NFIB: variants seen among roughly 807,000 people sequenced by gnomAD.
NFIB encodes the protein nuclear factor 1 B-type.
Under a neutral mutation model 61.5 loss-of-function variants are expected in NFIB, and 11 were observed. That is an observed-to-expected ratio of 0.18 (90% CI 0.11 to 0.30). The LOEUF is 0.30. Among genes scored for constraint, NFIB ranks in the 10% least tolerant of loss-of-function variants. The pLI is 1.00. For synonymous variants in NFIB, 260 were observed against 216.5 expected (o/e 1.20, Z -1.76); for missense variants, 471 against 608.9 (o/e 0.77, Z 2.38).
At chr9:14,261,824 G>C (rs2056781506) in intron 2 of NFIB, among the ~76,000 whole-genome samples, 1 of 152,172 alleles carries the variant, frequency 6.6e-6, no homozygotes, top group South Asian at 2.1e-4. Flanking sequence ...TACATGCTAT[G>C]AGCTCAGTTA....
chr9:14,149,668 C>T (rs916475105), intron 5 of NFIB, among the ~76,000 whole-genome samples: 1 of 152,102 alleles, frequency 6.6e-6, no homozygotes, highest in Non-Finnish European at 1.5e-5. Context: ...CAAAAAACAT[C>T]AACTAATTGA....
intron 3 of NFIB, among the ~76,000 whole-genome samples, chr9:14,170,248 T>G (rs2045416495): frequency 6.6e-6 from 1 of 152,186 alleles, no homozygotes; most frequent in African/African-American, 2.4e-5. Context: ...TGCTTTGCAT[T>G]ATTAAATTGT....
chr9:14,213,889 GT>G (rs1341995642), intron 2 of NFIB, among the ~76,000 whole-genome samples: 1 of 152,098 alleles, frequency 6.6e-6, no homozygotes, highest in Admixed American at 6.6e-5. Context: ...CCTTGCCTCT[GT>G]TCTCAACATT....
At chr9:14,363,266 C>G (rs540753163) in intron 1 of NFIB, among the ~76,000 whole-genome samples, 1 of 152,170 alleles carries the variant, frequency 6.6e-6, no homozygotes, top group Non-Finnish European at 1.5e-5. Flanking sequence ...GTTTGAGGCC[C>G]TGGTTGTCAG....
At chr9:14,481,197 G>GTGTATATATATATCTATATATATATA in the NFIB span, among the ~76,000 whole-genome samples, 1 of 45,826 alleles carries the variant, frequency 2.2e-5, no homozygotes, top group Admixed American at 3.0e-4. Context: ...GTGTGTGTGT[G>GTGTATATATATATCTATATATATATA]TATATATATA....
At position 14,146,741 on chromosome 9, in the gene NFIB, G is replaced by C. The variant is rs1191902002; in HGVS notation, c.873C>G (p.Pro291=). The C allele has an allele frequency of 9.3e-6, 15 of 1,610,428 alleles. No individual in the cohort carries two copies. Among genetic ancestry groups the C allele is most frequent in the Admixed American group, 1.7e-5 (1 of 59,250 alleles). ...MEPSPTGDFY[P]SPSSPAAGSR... Reference sequence around the variant, plus strand: ...TTCCAGCAGCTGGTGAACTTGGAGAGGGGTAAAAGTCTCCTGTAGGACTTG... The same window carrying C: ...TTCCAGCAGCTGGTGAACTTGGAGACGGGTAAAAGTCTCCTGTAGGACTTG... The change falls in exon 6 of 11, where the codon CCC becomes CCG. Residue 291 remains proline, a synonymous_variant. Transcript: ENST00000380953.
intron 10 of NFIB, 33 bp from the exon 11 acceptor site, chr9:14,088,359 G>T: frequency 6.9e-7 from 1 of 1,454,872 alleles, no homozygotes; most frequent in South Asian, 1.5e-5. Flanking sequence ...AGGGAGGGAA[G>T]AAAAAAGAAA....
chr9:14,223,861 C>T (rs2052019519), intron 2 of NFIB, among the ~76,000 whole-genome samples: 2 of 152,246 alleles, frequency 1.3e-5, no homozygotes, highest in East Asian at 1.9e-4. Context: ...TCAAGGGCAA[C>T]GGTTTGTTTC....
chr9:14,123,369 G>C (rs1471017497), intron 7 of NFIB, among the ~76,000 whole-genome samples: 1 of 151,402 alleles, frequency 6.6e-6, no homozygotes, highest in Non-Finnish European at 1.5e-5. Context: ...ATACATTATT[G>C]CAAAGCCTTA....
At chr9:14,400,730 G>A (rs776235739), upstream of NFIB, among the ~76,000 whole-genome samples, 7 of 152,220 alleles carry the variant, frequency 4.6e-5, no homozygotes, top group Non-Finnish European at 8.8e-5. Context: ...TTGGGAAAGC[G>A]ATAGGCTCTT....
the NFIB span, among the ~76,000 whole-genome samples, chr9:14,481,907 T>G: frequency 6.6e-6 from 1 of 151,952 alleles, no homozygotes; most frequent in African/African-American, 2.4e-5. Flanking sequence ...CTCCCCTCAC[T>G]CCATTCCCTG....
chr9:14,212,157 G>A (rs973013317), intron 2 of NFIB, among the ~76,000 whole-genome samples: 7 of 152,154 alleles, frequency 4.6e-5, no homozygotes, highest in Non-Finnish European at 7.3e-5. Flanking sequence ...CCTAGCCTAC[G>A]GCTGTAAGGA....
At chr9:14,209,458 G>T (rs900582823) in intron 2 of NFIB, among the ~76,000 whole-genome samples, 2 of 152,174 alleles carry the variant, frequency 1.3e-5, no homozygotes, top group Non-Finnish European at 2.9e-5. Context: ...CCACACTATG[G>T]TGTCCCAGCC....
chr9:14,453,270 T>C, the NFIB span, among the ~76,000 whole-genome samples: 1 of 152,234 alleles, frequency 6.6e-6, no homozygotes, highest in African/African-American at 2.4e-5. Context: ...AGGTTTCTCA[T>C]TCTGTGTTTA....
chr9:14,270,119 A>G (rs1256364613), intron 2 of NFIB, among the ~76,000 whole-genome samples: 1 of 152,166 alleles, frequency 6.6e-6, no homozygotes, highest in Non-Finnish European at 1.5e-5. Flanking sequence ...CTGTACTTCC[A>G]TCATTAAGGA....
chr9:14,523,173 G>C, the NFIB span, among the ~76,000 whole-genome samples: 6 of 151,996 alleles, frequency 3.9e-5, no homozygotes, highest in African/African-American at 1.2e-4. Flanking sequence ...ATAAGAGTAG[G>C]GCAGGTGACT....
chr9:14,388,699 G>A (rs1326872721), intron 1 of NFIB, among the ~76,000 whole-genome samples: 5 of 152,172 alleles, frequency 3.3e-5, no homozygotes, highest in Admixed American at 2.0e-4. Context: ...CGGAGGAGAG[G>A]CAGTGGGATT....
intron 2 of NFIB, among the ~76,000 whole-genome samples, chr9:14,213,976 C>CT (rs1330704695): frequency 1.3e-5 from 2 of 152,130 alleles, no homozygotes; most frequent in Admixed American, 1.3e-4. Flanking sequence ...CTCATTTCAC[C>CT]TCACATCATT....
At chr9:14,460,075 T>G in the NFIB span, among the ~76,000 whole-genome samples, 2 of 152,138 alleles carry the variant, frequency 1.3e-5, no homozygotes, top group Non-Finnish European at 2.9e-5. Context: ...ACACGTATGT[T>G]TATTGCAGCA....
Sources: allele counts gnomAD v4.1 joint callset (sites outside exome capture counted in the v4.1 genomes callset), GRCh38; gene constraint gnomAD v4.1.1; transcripts MANE v1.5; gene names NCBI Gene and HGNC (gene_info 2026-07-23, HGNC 2026-07-21).